The following ADARB2 variants were observed in gnomAD, a reference collection of about 807,000 sequenced individuals.
ADARB2 encodes inactive double-stranded RNA-specific editase B2.
ADARB2 carries 25 observed loss-of-function variants against 62.2 expected under a neutral mutation model. The observed-to-expected ratio is 0.40, with a 90% confidence interval of 0.29 to 0.56. The LOEUF (loss-of-function observed/expected upper bound fraction) is 0.56, where lower values mean the gene tolerates loss of function less well. Among genes scored for constraint, ADARB2 ranks in the 20% least tolerant of loss-of-function variants. The probability of loss-of-function intolerance (pLI) is 0.43; values close to 1 mark genes in which losing one functional copy is unlikely to be tolerated. For missense variants in ADARB2, 1,071 were observed against 1,077.4 expected, an observed-to-expected ratio of 0.99 and a Z score of 0.08; for synonymous variants, 572 against 500.8, an observed-to-expected ratio of 1.14 and a Z score of -1.90.
intron 1 of ADARB2, among the ~76,000 whole-genome samples, chr10:1,596,685 A>G (rs1449814785): frequency 6.6e-6 from 1 of 152,176 alleles, no homozygotes; most frequent in Non-Finnish European, 1.5e-5. Flanking sequence ...AGGATGAGGG[A>G]ATCGGTGTCA....
At chr10:1,351,628 T>C (rs1832141823) in intron 3 of ADARB2, among the ~76,000 whole-genome samples, 1 of 150,406 alleles carries the variant, frequency 6.6e-6, no homozygotes, top group Non-Finnish European at 1.5e-5. Context: ...AACCCACAAG[T>C]ATAAGATACC....
At position 1,222,383 on chromosome 10, in the gene ADARB2, T is replaced by G. The variant is rs1302971514; in HGVS notation, c.1514-5264A>C. The stretch of plus-strand genomic sequence containing the variant: ...TGTAGTTTGCCTGTTCACTCTGATG[T>G]TAGTTTCTTTTGCTGTGCAGAAGCT... On this transcript the variant is annotated intron_variant, in intron 6 of 9. Coordinates refer to ENST00000381312, the MANE Select transcript of ADARB2 (RefSeq NM_018702.4). Among the ~76,000 whole-genome samples, 8 of 152,222 alleles carry G rather than the reference T, an allele frequency of 5.3e-5. No homozygotes were observed. In the South Asian group the frequency reaches 1.0e-3, roughly 20 times the overall value.
chr10:1,530,160 C>G (rs1420676708), intron 1 of ADARB2, among the ~76,000 whole-genome samples: 1 of 152,250 alleles, frequency 6.6e-6, no homozygotes, highest in Non-Finnish European at 1.5e-5. Flanking sequence ...TGCCTCGTGC[C>G]TTTCTCCTCT....
At chr10:1,718,054 G>A (rs1021495908) in intron 1 of ADARB2, among the ~76,000 whole-genome samples, 16 of 152,066 alleles carry the variant, frequency 1.1e-4, no homozygotes, top group Admixed American at 4.6e-4. Flanking sequence ...AAAATGCTAA[G>A]GAAGAAAGGA....
At chr10:1,669,948 A>G (rs1011539825) in intron 1 of ADARB2, among the ~76,000 whole-genome samples, 3 of 152,230 alleles carry the variant, frequency 2.0e-5, no homozygotes, top group Admixed American at 6.5e-5. Context: ...ACACACAGAC[A>G]CATGCAGACA....
At chr10:1,728,511 C>T (rs116033603) in intron 1 of ADARB2, among the ~76,000 whole-genome samples, 1,551 of 152,306 alleles carry the variant, frequency 0.01, 23 homozygotes, top group African/African-American at 0.028. Context: ...CATCCCTCTA[C>T]GTCGTGTGCA....
chr10:1,233,250 C>T (rs995792944), intron 6 of ADARB2, among the ~76,000 whole-genome samples: 2 of 152,172 alleles, frequency 1.3e-5, no homozygotes, highest in African/African-American at 2.4e-5. Flanking sequence ...TTATAGTTCA[C>T]CTGGGGAAAC....
At chr10:1,378,973 C>A in intron 2 of ADARB2, 101 bp downstream of exon 2, 1 of 983,942 alleles carries the variant, frequency 1.0e-6, no homozygotes, top group Non-Finnish European at 1.6e-6. Flanking sequence ...AACAGACCCT[C>A]CCAGATGACC....
In ADARB2 at chr10:1,363,035, A is replaced by G. The variant is rs879725079; in HGVS notation, c.1070T>C (p.Met357Thr). 7.2e-7 allele frequency: 1 copy of G among 1,392,260 alleles called. No homozygotes were observed. Among genetic ancestry groups the G allele is most frequent in the Non-Finnish European group, 9.3e-7 (1 of 1,071,496 alleles). 86.2% of individuals were successfully genotyped at this position (1,392,260 alleles called of 1,614,324 possible). Residue 357 changes from methionine to threonine, a missense_variant, in exon 3 of 10, where the codon ATG becomes ACG. Transcript: ENST00000381312. Reference sequence around the variant, plus strand: ...ACCCGCCGCGCCCCTCACCTGCGGCATTGGCGTCCTCCTGGCCCTGCCGGG... The same window carrying G: ...ACCCGCCGCGCCCCTCACCTGCGGCGTTGGCGTCCTCCTGGCCCTGCCGGG... ...HAPGRARRTP[M>T]PQEFADSISQ...
chr10:1,444,827 AC>A (rs56651585), intron 1 of ADARB2, among the ~76,000 whole-genome samples: 6,953 of 136,080 alleles, frequency 0.051, 241 homozygotes, highest in East Asian at 0.15. Context: ...CCAGCCATCC[AC>A]CCACCCACCC....
chr10:1,391,159 T>C (rs1832566161), intron 1 of ADARB2, among the ~76,000 whole-genome samples: 1 of 152,234 alleles, frequency 6.6e-6, no homozygotes, highest in Admixed American at 6.5e-5. Context: ...CTGAGCTGAC[T>C]GGGATTGCAA....
At chr10:1,226,221 A>G (rs1376925465) in intron 6 of ADARB2, among the ~76,000 whole-genome samples, 1 of 152,062 alleles carries the variant, frequency 6.6e-6, no homozygotes, top group Non-Finnish European at 1.5e-5. Flanking sequence ...AGGCTTCTGC[A>G]TTTGTCATGT....
At chr10:1,606,823 A>G (rs1188919692) in intron 1 of ADARB2, among the ~76,000 whole-genome samples, 1 of 152,164 alleles carries the variant, frequency 6.6e-6, no homozygotes, top group African/African-American at 2.4e-5. Context: ...CATTGAGTCA[A>G]CAACAAGTGT....
intron 1 of ADARB2, among the ~76,000 whole-genome samples, chr10:1,582,396 T>C (rs1361635368): frequency 6.6e-6 from 1 of 152,168 alleles, no homozygotes; most frequent in Non-Finnish European, 1.5e-5. Flanking sequence ...TGCGTTTGAC[T>C]CCACATTTTA....
intron 1 of ADARB2, among the ~76,000 whole-genome samples, chr10:1,472,021 C>G (rs1831328890): frequency 6.6e-6 from 1 of 152,214 alleles, no homozygotes; most frequent in Non-Finnish European, 1.5e-5. Context: ...TCAATCCACA[C>G]TATACCATCT....
chr10:1,496,124 G>A (rs111170555), intron 1 of ADARB2, among the ~76,000 whole-genome samples: 2,865 of 145,320 alleles, frequency 0.02, 44 homozygotes, highest in South Asian at 0.049. Context: ...CATCATTATC[G>A]TTATCTTAGT....
rs539669313 is a variant in ADARB2 at position 1,284,635 on chromosome 10, G to A, written c.1078-13566C>T. ...GAGTTTTAGGGAGATTTGGTAGCTC[G>A]GCCAAAGATCTAAAGCAAGCAAGTA... On this transcript the variant is annotated intron_variant, in intron 3 of 9. Coordinates refer to ENST00000381312, the MANE Select transcript of ADARB2 (RefSeq NM_018702.4). Among the ~76,000 whole-genome samples, 85 of 152,262 alleles carry A rather than the reference G, an allele frequency of 5.6e-4. 1 individual carries two copies. Among genetic ancestry groups the A allele is most frequent in the South Asian group, 4.8e-3 (23 of 4,826 alleles).
At chr10:1,319,871 T>C (rs936657112) in intron 3 of ADARB2, among the ~76,000 whole-genome samples, 3 of 152,226 alleles carry the variant, frequency 2.0e-5, no homozygotes, top group Non-Finnish European at 2.9e-5. Context: ...TATAAATATT[T>C]CCTTTGTATG....
At chr10:1,303,493 G>A (rs1173014082) in intron 3 of ADARB2, among the ~76,000 whole-genome samples, 1 of 152,144 alleles carries the variant, frequency 6.6e-6, no homozygotes, top group Non-Finnish European at 1.5e-5. Context: ...ATCTAGCAAG[G>A]CAGGCCAACG....
Sources: allele counts gnomAD v4.1 joint callset (sites outside exome capture counted in the v4.1 genomes callset), GRCh38; gene constraint gnomAD v4.1.1; transcripts MANE v1.5; gene names NCBI Gene and HGNC (gene_info 2026-07-23, HGNC 2026-07-21).